Variants in TRAF3IP1 observed in about 807,000 individuals in gnomAD.
TRAF3IP1 encodes the protein TRAF3-interacting protein 1.
Under a neutral mutation model 89.9 loss-of-function variants are expected in TRAF3IP1, and 53 were observed. The observed-to-expected ratio is 0.59, with a 90% CI of 0.47 to 0.74. The LOEUF (loss-of-function observed/expected upper bound fraction) is 0.74, where lower values mean the gene tolerates loss of function less well. TRAF3IP1 is among the 30% of genes least tolerant of loss of function. TRAF3IP1 has a pLI of 0.00. For synonymous variants in TRAF3IP1, 311 were observed against 322.1 expected (o/e 0.97, Z 0.37); for missense variants, 806 against 866.1 (o/e 0.93, Z 0.87).
chr2:238,340,546 T>C (rs1187253970), intron 8 of TRAF3IP1, among the ~76,000 whole-genome samples: 1 of 152,166 alleles, frequency 6.6e-6, no homozygotes, highest in African/African-American at 2.4e-5. Flanking sequence ...ACATGAACAA[T>C]TTCTTCCTGT....
At chr2:238,341,161 C>T (rs1411517066) in intron 8 of TRAF3IP1, among the ~76,000 whole-genome samples, 2 of 151,026 alleles carry the variant, frequency 1.3e-5, no homozygotes, top group East Asian at 3.9e-4. Flanking sequence ...GCTAGGACTA[C>T]AGGCATGTGT....
chr2:238,328,817 C>A lies in TRAF3IP1; in HGVS notation c.486C>A (p.His162Gln). 2 of 1,611,776 alleles carry A rather than the reference C, an allele frequency of 1.2e-6. No homozygotes were observed. The highest frequency in any genetic ancestry group is 1.7e-4 in the Middle Eastern group (1 of 6,046). Residue 162 changes from histidine (H) to glutamine (Q), a missense_variant, in exon 4 of 17, where the codon CAC becomes CAA. Transcript: ENST00000373327. ...KNVREEESRV[H>Q]KNTEDRGDAE... Reference sequence around the variant, plus strand: ...TGCGAGAAGAAGAGTCCAGAGTTCACAAAAATACAGAGGTGAATTCCAAGT... The same window carrying A: ...TGCGAGAAGAAGAGTCCAGAGTTCAAAAAAATACAGAGGTGAATTCCAAGT...
intron 15 of TRAF3IP1, among the ~76,000 whole-genome samples, chr2:238,374,601 G>A (rs367639456): frequency 6.6e-6 from 1 of 151,920 alleles, no homozygotes; most frequent in African/African-American, 2.4e-5. Flanking sequence ...TTTTTTTGTT[G>A]TGTCTCTACC....
intron 15 of TRAF3IP1, among the ~76,000 whole-genome samples, chr2:238,365,518 CATG>C (rs994590781): frequency 2.0e-5 from 3 of 152,024 alleles, no homozygotes; most frequent in African/African-American, 7.2e-5. Flanking sequence ...AACAATCAGA[CATG>C]GTGGTGCATA....
Position 238,399,088 on chromosome 2 carries a change from A to T in TRAF3IP1, c.*169A>T, listed in dbSNP as rs1248314315. The T allele has an allele frequency of 2.2e-5, 13 of 602,642 alleles. No homozygotes were observed. The highest frequency in any genetic ancestry group is 1.1e-4 in the African/African-American group (6 of 52,870). The allele number at this position is 602,642 out of a possible 1,614,324, so 37.3% of individuals were successfully genotyped here. A position where few individuals can be genotyped will look rare whatever the true frequency, so the allele number is the denominator to read the frequency against. On this transcript the variant is annotated 3_prime_UTR_variant, in exon 17 of 17. Transcript: ENST00000373327. Reference sequence around the variant, plus strand: ...AAACTGTAAGCATGTTAAGTGTATTAAAAAAACCATGTTTTCTTACCTCCT... The same window carrying T: ...AAACTGTAAGCATGTTAAGTGTATTTAAAAAACCATGTTTTCTTACCTCCT...
chr2:238,357,870 T>C (rs1334026791), intron 15 of TRAF3IP1, among the ~76,000 whole-genome samples: 1 of 152,180 alleles, frequency 6.6e-6, no homozygotes, highest in African/African-American at 2.4e-5. Context: ...AAAGTCTCCT[T>C]GGAAGAGTAA....
intron 7 of TRAF3IP1, among the ~76,000 whole-genome samples, chr2:238,335,412 A>G (rs2106373150): frequency 6.6e-6 from 1 of 152,222 alleles, no homozygotes; most frequent in Middle Eastern, 3.4e-3. Flanking sequence ...AGCCTTTTGT[A>G]GTCTGGGTTA....
intron 15 of TRAF3IP1, among the ~76,000 whole-genome samples, chr2:238,378,585 A>G (rs145558375): frequency 1.7e-3 from 253 of 152,318 alleles, no homozygotes; most frequent in African/African-American, 5.9e-3. Flanking sequence ...CTTCATCTCT[A>G]TATTAAAGTG....
chr2:238,332,443 G>A (rs184376570), intron 5 of TRAF3IP1, among the ~76,000 whole-genome samples: 88 of 152,294 alleles, frequency 5.8e-4, no homozygotes, highest in African/African-American at 2.0e-3. Flanking sequence ...CAGTTTCTCC[G>A]TGGGTGTTGG....
chr2:238,363,816 C>T lies in TRAF3IP1; in HGVS notation c.1689+7736C>T, dbSNP rs759758459. 5.3e-5 allele frequency among the ~76,000 whole-genome samples: 8 copies of T among 151,968 alleles called. 1 individual carries two copies. The highest frequency in any genetic ancestry group is 1.7e-4 in the African/African-American group (7 of 41,360). ...CTCTACTAAAAATACAGAAATTAGCCGGACATGGTGGTGTGTGCCTGTAGT... is the reference window on the plus strand; with the variant it reads ...CTCTACTAAAAATACAGAAATTAGCTGGACATGGTGGTGTGTGCCTGTAGT... On this transcript the variant is annotated intron_variant, in intron 15 of 16. Coordinates refer to ENST00000373327, the MANE Select transcript of TRAF3IP1 (RefSeq NM_015650.4).
chr2:238,353,003 A>C (rs1699242003), intron 13 of TRAF3IP1, 53 bp downstream of exon 13: 1 of 1,558,844 alleles, frequency 6.4e-7, no homozygotes, highest in African/African-American at 1.4e-5. Flanking sequence ...ACCTTCATTG[A>C]GATTAATAGT....
chr2:238,378,210 T>A (rs1167704416), intron 15 of TRAF3IP1, among the ~76,000 whole-genome samples: 2 of 152,362 alleles, frequency 1.3e-5, no homozygotes, highest in East Asian at 3.9e-4. Flanking sequence ...TTCTTCCTTC[T>A]CTACTATTTT....
Position 238,336,803 on chromosome 2 carries a change from A to G in TRAF3IP1, c.1064-1559A>G, listed in dbSNP as rs573658596. ...AATAGTCTTTCCCCTGAAAAGGAAC[A>G]TAACTTTTCCTACTGTAAAGCTAAG... On this transcript the variant is annotated intron_variant, in intron 7 of 16. Transcript: ENST00000373327. Among the ~76,000 whole-genome samples the G allele has an allele frequency of 1.2e-4, 18 of 152,314 alleles. No individual in the cohort carries two copies. The South Asian group carries it at 3.7e-3, about 32-fold the overall frequency.
chr2:238,347,484 T>G lies in TRAF3IP1; in HGVS notation c.1282+9T>G. 6.2e-7 allele frequency: 1 copy of G among 1,614,092 alleles called. No homozygotes were observed. The highest frequency in any genetic ancestry group is 8.5e-7 in the Non-Finnish European group (1 of 1,179,964). ...CTCCACCAGTGATGCAGGTGAGGAATGGCCTTAGATACCTGTGTGTCATAT... is the reference window on the plus strand; with the variant it reads ...CTCCACCAGTGATGCAGGTGAGGAAGGGCCTTAGATACCTGTGTGTCATAT... On this transcript the variant is annotated intron_variant, in intron 10 of 16. Coordinates refer to ENST00000373327, the MANE Select transcript of TRAF3IP1 (RefSeq NM_015650.4).
At position 238,320,734 on chromosome 2, in the gene TRAF3IP1, G is replaced by A; in HGVS notation, c.72G>A (p.Glu24=). 1 of 1,449,800 alleles carries A rather than the reference G, an allele frequency of 6.9e-7. No homozygotes were observed. The highest frequency in any genetic ancestry group is 9.2e-7 in the Non-Finnish European group (1 of 1,089,932). The allele number at this position is 1,449,800 out of a possible 1,614,324, so 89.8% of individuals were successfully genotyped here. A position where few individuals can be genotyped will look rare whatever the true frequency, so the allele number is the denominator to read the frequency against. The change falls in exon 1 of 17, where the codon GAG becomes GAA. Residue 24 remains glutamate (E), a synonymous_variant. Coordinates refer to ENST00000373327, the MANE Select transcript of TRAF3IP1 (RefSeq NM_015650.4). ...TGATTCGGAGGCCGCCGCTGACCGA[G>A]AAGCTGCTGAGCAAGCCCCCGTTCC... ...GKVIRRPPLT[E]KLLSKPPFRY... is the part of the protein sequence containing the mutation.
intron 15 of TRAF3IP1, among the ~76,000 whole-genome samples, chr2:238,384,378 A>ATGTATGTATGTATG (rs71402786): frequency 1.2e-5 from 1 of 85,972 alleles, no homozygotes; most frequent in Admixed American, 1.1e-4. Context: ...GTATGTATGT[A>ATGTATGTATGTATG]TGTATATATA....
intron 15 of TRAF3IP1, among the ~76,000 whole-genome samples, chr2:238,384,766 GA>G (rs1349651768): frequency 6.6e-6 from 1 of 151,984 alleles, no homozygotes; most frequent in Non-Finnish European, 1.5e-5. Flanking sequence ...CAAAGATGAA[GA>G]AATTTGAACA....
chr2:238,386,801 C>T (rs975109651), intron 15 of TRAF3IP1, among the ~76,000 whole-genome samples: 17 of 152,198 alleles, frequency 1.1e-4, no homozygotes, highest in Non-Finnish European at 2.1e-4. Context: ...ACCACAGTGA[C>T]CCATTGGGGC....
intron 15 of TRAF3IP1, among the ~76,000 whole-genome samples, chr2:238,374,566 T>G (rs1368488393): frequency 6.6e-6 from 1 of 152,216 alleles, no homozygotes; most frequent in East Asian, 1.9e-4. Flanking sequence ...TCAATGTTCA[T>G]CACGGATATT....
Sources: allele counts gnomAD v4.1 joint callset (sites outside exome capture counted in the v4.1 genomes callset), GRCh38; gene constraint gnomAD v4.1.1; transcripts MANE v1.5; gene names NCBI Gene and HGNC (gene_info 2026-07-23, HGNC 2026-07-21).